FRMD4A: variants seen among roughly 807,000 people sequenced by gnomAD.
FRMD4A encodes FERM domain-containing protein 4A.
FRMD4A carries 29 observed loss-of-function variants against 129.1 expected under a neutral mutation model. The observed-to-expected ratio is 0.22, with a 90% CI of 0.17 to 0.31. The LOEUF is 0.31. FRMD4A is among the 10% of genes least tolerant of loss of function. FRMD4A has a pLI of 1.00. For synonymous variants in FRMD4A, 634 were observed against 571.6 expected (o/e 1.11, Z -1.56); for missense variants, 1,272 against 1,375.8 (o/e 0.92, Z 1.19).
chr10:13,895,460 C>A (rs1410762440), intron 2 of FRMD4A, among the ~76,000 whole-genome samples: 2 of 152,070 alleles, frequency 1.3e-5, no homozygotes, highest in Non-Finnish European at 2.9e-5. Flanking sequence ...TGTGTATGTG[C>A]CATGTTTTCA....
intron 2 of FRMD4A, among the ~76,000 whole-genome samples, chr10:14,182,963 C>A (rs1174960524): frequency 6.6e-6 from 1 of 152,096 alleles, no homozygotes; most frequent in Non-Finnish European, 1.5e-5. Flanking sequence ...CTTTGACCAT[C>A]TGGAGGAGGT....
At chr10:14,008,255 T>C (rs565463790) in intron 2 of FRMD4A, 2 of 1,110,876 alleles carry the variant, frequency 1.8e-6, no homozygotes, top group South Asian at 2.2e-5. Context: ...AAATAAGTTA[T>C]GGTCTCCTGG....
intron 2 of FRMD4A, among the ~76,000 whole-genome samples, chr10:13,933,775 C>G (rs190813598): frequency 1.1e-3 from 161 of 152,196 alleles, no homozygotes; most frequent in African/African-American, 3.6e-3. Flanking sequence ...CCTAGAGGCC[C>G]CTGGGACACA....
chr10:13,728,573 C>CTTTTTTTTTGTTTTTT (rs2090080225), intron 12 of FRMD4A, among the ~76,000 whole-genome samples: 1 of 78,372 alleles, frequency 1.3e-5, no homozygotes, highest in African/African-American at 4.7e-5. Flanking sequence ...GATTACCATT[C>CTTTTTTTTTGTTTTTT]TTTTTTTTTT....
intron 2 of FRMD4A, among the ~76,000 whole-genome samples, chr10:14,269,440 C>G (rs367670900): frequency 5.6e-4 from 85 of 152,206 alleles, no homozygotes; most frequent in African/African-American, 1.9e-3. Flanking sequence ...TTCTGGAGGC[C>G]CTAAAAAGAA....
chr10:13,732,939 G>A (rs2090410672), intron 12 of FRMD4A, among the ~76,000 whole-genome samples: 2 of 152,214 alleles, frequency 1.3e-5, no homozygotes, highest in South Asian at 2.1e-4. Flanking sequence ...TCCCTGTGGG[G>A]CTTCTTCTGG....
chr10:14,310,966 T>C (rs939456401), intron 2 of FRMD4A, among the ~76,000 whole-genome samples: 1 of 152,178 alleles, frequency 6.6e-6, no homozygotes, highest in African/African-American at 2.4e-5. Context: ...CAACAAATCT[T>C]GGGTAATTTC....
At chr10:14,117,716 G>A (rs1302884692) in intron 2 of FRMD4A, among the ~76,000 whole-genome samples, 2 of 152,146 alleles carry the variant, frequency 1.3e-5, no homozygotes, top group African/African-American at 4.8e-5. Flanking sequence ...AGCTGGCTAC[G>A]TTCATTCATT....
chr10:14,327,832 C>T (rs550495064), intron 2 of FRMD4A, among the ~76,000 whole-genome samples: 2 of 152,316 alleles, frequency 1.3e-5, no homozygotes, highest in East Asian at 3.9e-4. Flanking sequence ...CCTCAGTGAG[C>T]AGACACGCGA....
chr10:13,977,502 G>T (rs2095546132), intron 2 of FRMD4A, among the ~76,000 whole-genome samples: 1 of 152,162 alleles, frequency 6.6e-6, no homozygotes, highest in Non-Finnish European at 1.5e-5. Context: ...ACCTTATTGA[G>T]ATATAATTGA....
In FRMD4A at chr10:13,951,352, G is replaced by A. The variant is rs1375528006; in HGVS notation, c.46-92440C>T. 3.9e-5 allele frequency among the ~76,000 whole-genome samples: 6 copies of A among 152,112 alleles called. 1 individual carries two copies. Among genetic ancestry groups the A allele is most frequent in the African/African-American group, 9.7e-5 (4 of 41,424 alleles). On this transcript the variant is annotated intron_variant, in intron 2 of 24. Transcript: ENST00000357447. Reference sequence around the variant, plus strand: ...AGAGGTAGTGCGCCATCTTGGGATCGTAGCAGGCTTGAGAGAACGTATTTT... The same window carrying A: ...AGAGGTAGTGCGCCATCTTGGGATCATAGCAGGCTTGAGAGAACGTATTTT...
chr10:14,166,909 T>C (rs540075706), intron 2 of FRMD4A, among the ~76,000 whole-genome samples: 2 of 152,194 alleles, frequency 1.3e-5, no homozygotes, highest in African/African-American at 2.4e-5. Flanking sequence ...ACTCAGTCAA[T>C]AAATATGTAT....
chr10:14,217,484 A>G (rs1285509771), intron 2 of FRMD4A, among the ~76,000 whole-genome samples: 1 of 152,206 alleles, frequency 6.6e-6, no homozygotes, highest in Non-Finnish European at 1.5e-5. Flanking sequence ...CTGCCATGAA[A>G]GATGTACCTT....
chr10:13,784,972 C>T (rs1202972958), intron 5 of FRMD4A, among the ~76,000 whole-genome samples: 4 of 130,116 alleles, frequency 3.1e-5, no homozygotes, highest in African/African-American at 1.2e-4. Context: ...GCCTGAACAA[C>T]AGAGGGAGAC....
At chr10:13,686,370 A>G (rs931723837) in intron 15 of FRMD4A, among the ~76,000 whole-genome samples, 2 of 152,262 alleles carry the variant, frequency 1.3e-5, no homozygotes, top group Admixed American at 6.5e-5. Context: ...CATGACGCTG[A>G]CAGAGCCTAT....
At chr10:14,313,387 T>G (rs1165722694) in intron 2 of FRMD4A, among the ~76,000 whole-genome samples, 6 of 152,108 alleles carry the variant, frequency 3.9e-5, no homozygotes, top group Non-Finnish European at 8.8e-5. Context: ...AAATAAAAAC[T>G]AATTTAAAAA....
chr10:14,092,745 G>C (rs1464421825), intron 2 of FRMD4A, among the ~76,000 whole-genome samples: 1 of 152,220 alleles, frequency 6.6e-6, no homozygotes, highest in Non-Finnish European at 1.5e-5. Flanking sequence ...GCTGGCACTC[G>C]AGGAGGGAGT....
At chr10:14,319,630 G>A (rs1485775194) in intron 2 of FRMD4A, among the ~76,000 whole-genome samples, 1 of 152,126 alleles carries the variant, frequency 6.6e-6, no homozygotes, top group Non-Finnish European at 1.5e-5. Flanking sequence ...ACACTGTCTT[G>A]CATCACAAGG....
At chr10:14,032,439 A>T (rs754173850) in intron 2 of FRMD4A, among the ~76,000 whole-genome samples, 2 of 152,226 alleles carry the variant, frequency 1.3e-5, no homozygotes, top group Admixed American at 6.5e-5. Context: ...CTGAAACATG[A>T]ATAGTTCTTG....
Sources: gnomAD v4.1 joint callset for allele counts (sites outside exome capture counted in the v4.1 genomes callset) on GRCh38, gnomAD v4.1.1 for gene constraint, MANE v1.5 for transcripts, NCBI Gene and HGNC (gene_info 2026-07-23, HGNC 2026-07-21) for gene names.